The following RNF34 variants were observed in gnomAD, a reference collection of about 807,000 sequenced individuals.
RNF34 encodes the protein ring finger protein 34.
In RNF34, 12 loss-of-function variants were observed where a neutral mutation model predicts 37.9. The observed-to-expected ratio is 0.32, with a 90% CI of 0.20 to 0.51. The LOEUF is 0.51. Ranked by LOEUF, RNF34 falls within the 20% of genes least tolerant of loss-of-function variation. RNF34 has a pLI of 0.97. For synonymous variants in RNF34, 155 were observed against 177.2 expected, an observed-to-expected ratio of 0.87 and a Z score of 1.00; for missense variants, 362 against 472.7, an observed-to-expected ratio of 0.77 and a Z score of 2.17.
At chr12:121,400,363 C>T in intron 1 of RNF34, 145 bp downstream of exon 1, 1 of 1,016,590 alleles carries the variant, frequency 9.8e-7, no homozygotes. Context: ...TGCCCGGCTT[C>T]AGGTGCCCCA....
intron 1 of RNF34, 146 bp downstream of exon 1, chr12:121,400,364 A>T (rs1869853613): frequency 9.9e-7 from 1 of 1,012,368 alleles, no homozygotes; most frequent in South Asian, 1.6e-5. Context: ...GCCCGGCTTC[A>T]GGTGCCCCAA....
At chr12:121,421,371 TAAAAAAAAAAAAA>T (rs11398833) in intron 5 of RNF34, among the ~76,000 whole-genome samples, 3 of 46,378 alleles carry the variant, frequency 6.5e-5, no homozygotes, top group Admixed American at 3.3e-4. Context: ...ATCCCATCTC[TAAAAAAAAAAAAA>T]AAAAAAAAAA....
chr12:121,420,653 G>A lies in RNF34; in HGVS notation c.803G>A (p.Ser268Asn). 3.1e-6 allele frequency: 5 copies of A among 1,614,176 alleles called. No homozygotes were observed. The highest frequency in any genetic ancestry group is 2.2e-5 in the South Asian group (2 of 91,084). Residue 268 changes from serine to asparagine, a missense_variant, in exon 5 of 6, where the codon AGC becomes AAC. Transcript: ENST00000361234. ...LSSLDDVEGMSVRQLKEILAR... is the reference protein window; with the variant it reads ...LSSLDDVEGMNVRQLKEILAR... ...AGCCTTGATGATGTGGAAGGAATGA[G>A]CGTGCGCCAGCTGAAGGAAATTCTG...
intron 1 of RNF34, among the ~76,000 whole-genome samples, chr12:121,401,351 T>G (rs1593641809): frequency 3.3e-5 from 1 of 29,928 alleles, no homozygotes; most frequent in Non-Finnish European, 6.4e-5. Flanking sequence ...AGGCTATAGG[T>G]ATCAAAAAAA....
intron 1 of RNF34, chr12:121,402,909 C>T: frequency 2.4e-6 from 2 of 833,052 alleles, no homozygotes; most frequent in Non-Finnish European, 2.0e-6. Flanking sequence ...TCTGTTTTTG[C>T]AACCTGCTTA....
At chr12:121,422,017 A>G (rs1338920232) in intron 5 of RNF34, among the ~76,000 whole-genome samples, 1 of 152,248 alleles carries the variant, frequency 6.6e-6, no homozygotes, top group Non-Finnish European at 1.5e-5. Context: ...CAGAGCTTTC[A>G]GAGGTCGTAG....
chr12:121,409,485 A>G (rs567460066), intron 1 of RNF34: 1 of 152,376 alleles, frequency 6.6e-6, no homozygotes, highest in South Asian at 2.1e-4. Flanking sequence ...GTCCCAGCTG[A>G]AACAGTGTAG....
At chr12:121,404,674 C>T (rs1167919049) in intron 1 of RNF34, among the ~76,000 whole-genome samples, 13 of 152,078 alleles carry the variant, frequency 8.5e-5, no homozygotes, top group Admixed American at 3.3e-4. Context: ...TGAGCTACTG[C>T]GCCCAGCCTG....
intron 1 of RNF34, among the ~76,000 whole-genome samples, chr12:121,408,305 G>A (rs144021288): frequency 6.4e-4 from 97 of 152,280 alleles, no homozygotes; most frequent in African/African-American, 2.2e-3. Context: ...ACCAGGGTGT[G>A]ATGGCAGGCA....
intron 1 of RNF34, chr12:121,409,477 C>T (rs75955894): frequency 0.22 from 34,066 of 152,184 alleles, 6,505 homozygotes; most frequent in African/African-American, 0.52. Context: ...AGGGTGATGT[C>T]CCAGCTGAAA....
chr12:121,416,051 C>G, intron 1 of RNF34, 108 bp from the exon 2 acceptor site: 1 of 838,540 alleles, frequency 1.2e-6, no homozygotes, highest in Non-Finnish European at 1.9e-6. Flanking sequence ...ATAGTAATCT[C>G]AAAGTTATTG....
chr12:121,407,416 C>T (rs1870649644), intron 1 of RNF34, among the ~76,000 whole-genome samples: 1 of 152,228 alleles, frequency 6.6e-6, no homozygotes, highest in African/African-American at 2.4e-5. Flanking sequence ...GCCTAGTATA[C>T]TGTCAGAAGC....
At chr12:121,402,370 C>T (rs1446245194) in intron 1 of RNF34, among the ~76,000 whole-genome samples, 1 of 152,126 alleles carries the variant, frequency 6.6e-6, no homozygotes, top group Non-Finnish European at 1.5e-5. Context: ...AGTACATGTT[C>T]ACTCAAACCT....
rs782306563 is a variant in RNF34, at chr12:121,416,189, T to A, written c.37T>A (p.Cys13Ser). 6.2e-7 allele frequency: 1 copy of A among 1,614,170 alleles called. No homozygotes were observed. Among genetic ancestry groups the A allele is most frequent in the Admixed American group, 1.7e-5 (1 of 59,998 alleles). Reference sequence around the variant, plus strand: ...TGCCACGTCTATGTGGGCTTCGTGCTGTGGGCTGCTGAATGAAGTCATGGG... The same window carrying A: ...TGCCACGTCTATGTGGGCTTCGTGCAGTGGGCTGCTGAATGAAGTCATGGG... The part of the protein sequence containing the change: ...AGATSMWASC[C>S]GLLNEVMGTG... The change falls in exon 2 of 6, where the codon TGT becomes AGT. Residue 13 changes from cysteine to serine, a missense_variant. Transcript: ENST00000361234.
At chr12:121,411,443 A>C (rs1272619787) in intron 1 of RNF34, among the ~76,000 whole-genome samples, 1 of 152,160 alleles carries the variant, frequency 6.6e-6, no homozygotes, top group African/African-American at 2.4e-5. Flanking sequence ...AGTTGAAAAA[A>C]AAATTTTCAG....
chr12:121,400,246 C>T, intron 1 of RNF34, 28 bp downstream of exon 1: 3 of 1,606,090 alleles, frequency 1.9e-6, no homozygotes, highest in Non-Finnish European at 2.5e-6. Context: ...CCGGACAGAC[C>T]CTCCTCGCCA....
At chr12:121,415,978 TA>T (rs1483740511) in intron 1 of RNF34, among the ~76,000 whole-genome samples, 180 bp from the exon 2 acceptor site, 11 of 152,038 alleles carry the variant, frequency 7.2e-5, no homozygotes, top group Non-Finnish European at 1.3e-4. Context: ...CAATGCCAGA[TA>T]TTCTTTGGAA....
rs1402499233 is a variant in RNF34 at position 121,400,151 on chromosome 12, T to G, written c.-62T>G. ...CCCAGAGGGAAGGAGGTCGGCAGTG[T>G]GAGGAGCTGCTATGGTGCTGAGTTT... On this transcript the variant is annotated 5_prime_UTR_variant, in exon 1 of 6. Coordinates refer to ENST00000361234, the MANE Select transcript of RNF34 (RefSeq NM_025126.4). The G allele has an allele frequency of 1.3e-6, 2 of 1,587,154 alleles. No homozygotes were observed. Among genetic ancestry groups the G allele is most frequent in the Non-Finnish European group, 1.7e-6 (2 of 1,170,030 alleles).
At position 121,417,561 on chromosome 12, in the gene RNF34, A is replaced by G. The variant is rs1171433081; in HGVS notation, c.283A>G (p.Asn95Asp). Reference sequence around the variant, plus strand: ...CTCCGTTTGTTCAGTCTTACAAGAAAATCTCCGTAGATGTTCTACTTGTCA... The same window carrying G: ...CTCCGTTTGTTCAGTCTTACAAGAAGATCTCCGTAGATGTTCTACTTGTCA... ...FCSVCSVLQE[N>D]LRRCSTCHLL... is the part of the protein sequence containing the mutation. The change falls in exon 3 of 6, where the codon AAT (asparagine) becomes GAT (aspartate). Residue 95 changes from asparagine (N) to aspartate (D), a missense_variant. By Grantham distance (23) the Asn-to-Asp change is conservative. Coordinates refer to ENST00000361234, the MANE Select transcript of RNF34 (RefSeq NM_025126.4). This position sits in a 1 kb window ranked among gnomAD's most constrained non-coding sequence, Gnocchi z 5.0. 1 of 1,613,966 alleles carries G rather than the reference A, an allele frequency of 6.2e-7. No individual in the cohort carries two copies. The highest frequency in any genetic ancestry group is 8.5e-7 in the Non-Finnish European group (1 of 1,179,900).
Sources: gnomAD v4.1 joint callset for allele counts (sites outside exome capture counted in the v4.1 genomes callset) on GRCh38, gnomAD v4.1.1 for gene constraint, Gnocchi (gnomAD v3.1) non-coding constraint, MANE v1.5 for transcripts, NCBI Gene and HGNC (gene_info 2026-07-23, HGNC 2026-07-21) for gene names.